The following EPB41L2 variants were observed in gnomAD, a reference collection of about 807,000 sequenced individuals.
The protein encoded by EPB41L2 is band 4.1-like protein 2.
Under a neutral mutation model 113.0 loss-of-function variants are expected in EPB41L2, and 43 were observed. The ratio of observed to expected loss-of-function variants is 0.38; its 90% confidence interval spans 0.30 to 0.49. The LOEUF (loss-of-function observed/expected upper bound fraction) is 0.49. Among genes scored for constraint, EPB41L2 ranks in the 20% least tolerant of loss-of-function variants. The probability of loss-of-function intolerance (pLI) is 0.95; values close to 1 mark genes in which losing one functional copy is unlikely to be tolerated. For synonymous variants in EPB41L2, 442 were observed against 436.7 expected, an observed-to-expected ratio of 1.01 and a Z score of -0.15; for missense variants, 1,147 against 1,223.4, an observed-to-expected ratio of 0.94 and a Z score of 0.93.
intron 17 of EPB41L2, among the ~76,000 whole-genome samples, chr6:130,864,223 CAGAAG>C (rs2128436676): frequency 6.6e-6 from 1 of 152,290 alleles, no homozygotes; most frequent in Admixed American, 6.5e-5. Flanking sequence ...TTTCCCATCA[CAGAAG>C]ACTTCTGTAT....
intron 1 of EPB41L2, among the ~76,000 whole-genome samples, chr6:131,046,015 T>C (rs982439202): frequency 2.0e-5 from 3 of 150,500 alleles, no homozygotes; most frequent in Non-Finnish European, 3.0e-5. Flanking sequence ...GGCAAGATCA[T>C]AGCTCACTGT....
chr6:130,865,505 C>G, intron 17 of EPB41L2, 31 bp downstream of exon 17: 1 of 1,593,192 alleles, frequency 6.3e-7, no homozygotes, highest in East Asian at 2.2e-5. Flanking sequence ...AATGTACCAT[C>G]CTCTCCATAT....
chr6:131,017,667 A>G (rs1788537836), intron 1 of EPB41L2, among the ~76,000 whole-genome samples: 2 of 152,204 alleles, frequency 1.3e-5, no homozygotes, highest in South Asian at 4.1e-4. Flanking sequence ...GTTTCCCTTC[A>G]CCTACAGGTA....
intron 19 of EPB41L2, among the ~76,000 whole-genome samples, chr6:130,851,619 T>G (rs1421416541): frequency 6.6e-6 from 1 of 152,158 alleles, no homozygotes; most frequent in African/African-American, 2.4e-5. Flanking sequence ...TCACTGGGTT[T>G]TCAACTTAAT....
chr6:130,890,698 C>A (rs1360341589), intron 10 of EPB41L2, among the ~76,000 whole-genome samples: 2 of 152,086 alleles, frequency 1.3e-5, no homozygotes, highest in Admixed American at 1.3e-4. Context: ...ATGTTCTTCT[C>A]CACCTAAGCA....
At chr6:130,981,161 T>C (rs1035655124) in intron 1 of EPB41L2, among the ~76,000 whole-genome samples, 2 of 152,168 alleles carry the variant, frequency 1.3e-5, no homozygotes, top group African/African-American at 2.4e-5. Context: ...TGAGAAGTCA[T>C]TGGTGTTTTA....
chr6:131,056,290 G>A (rs1797580382), intron 1 of EPB41L2, among the ~76,000 whole-genome samples: 1 of 152,172 alleles, frequency 6.6e-6, no homozygotes, highest in South Asian at 2.1e-4. Context: ...GAGAGAAGAA[G>A]TTAGAACATA....
chr6:130,884,438 C>A (rs989430497), intron 12 of EPB41L2, among the ~76,000 whole-genome samples: 1 of 152,162 alleles, frequency 6.6e-6, no homozygotes, highest in Non-Finnish European at 1.5e-5. Context: ...AAAAAAAAGT[C>A]GCTTTGTGCA....
rs139514804 is a variant in EPB41L2, at chr6:131,053,804, C to T, written c.-15+9351G>A. ...AGTGGTATACTGAGTTGATCATAAC[C>T]CTCATTCTTTCGACCTCCAACGTTT... is the stretch of plus-strand genomic sequence containing the variant. On this transcript the variant is annotated intron_variant, in intron 1 of 19. Coordinates refer to ENST00000337057, the MANE Select transcript of EPB41L2 (RefSeq NM_001431.4). Among the ~76,000 whole-genome samples the T allele has an allele frequency of 1.4e-4, 21 of 152,314 alleles. No homozygotes were observed. In the East Asian group the frequency reaches 2.9e-3, roughly 21 times the overall value.
Position 131,025,452 on chromosome 6 carries a change from C to T in EPB41L2, c.-15+37703G>A, listed in dbSNP as rs922291234. Among the ~76,000 whole-genome samples the T allele has an allele frequency of 1.9e-4, 29 of 152,190 alleles. 1 individual carries two copies. The highest frequency in any genetic ancestry group is 2.6e-4 in the Admixed American group (4 of 15,274). ...CAGACAGCGATTATTTCATATTACA[C>T]TGCCCAAATGTACATTTCTGGCCTT... On this transcript the variant is annotated intron_variant, in intron 1 of 19. Transcript: ENST00000337057.
intron 1 of EPB41L2, among the ~76,000 whole-genome samples, chr6:131,046,680 A>G (rs1562794847): frequency 6.6e-6 from 1 of 152,084 alleles, no homozygotes; most frequent in Non-Finnish European, 1.5e-5. Flanking sequence ...TTCCAGATAG[A>G]CTCAACATTC....
At chr6:130,906,317 C>T (rs957416321) in intron 5 of EPB41L2, among the ~76,000 whole-genome samples, 1 of 146,432 alleles carries the variant, frequency 6.8e-6, no homozygotes, top group Non-Finnish European at 1.5e-5. Context: ...TAATGCTAAG[C>T]TTTTTTAAAA....
intron 14 of EPB41L2, 96 bp from the exon 15 acceptor site, chr6:130,870,222 A>G: frequency 6.6e-7 from 1 of 1,522,872 alleles, no homozygotes; most frequent in Non-Finnish European, 8.9e-7. Context: ...CATGTCATGG[A>G]GAAAAACAAA....
chr6:130,950,035 G>T (rs1814326726), intron 3 of EPB41L2, among the ~76,000 whole-genome samples: 1 of 152,134 alleles, frequency 6.6e-6, no homozygotes, highest in Admixed American at 6.5e-5. Flanking sequence ...TACATGTGGG[G>T]GCAGTCAAGA....
intron 8 of EPB41L2, 87 bp from the exon 9 acceptor site, chr6:130,895,206 C>A: frequency 7.1e-7 from 1 of 1,411,174 alleles, no homozygotes; most frequent in South Asian, 1.5e-5. Context: ...AAATCATGAT[C>A]AGGAATGACA....
intron 1 of EPB41L2, among the ~76,000 whole-genome samples, chr6:131,033,055 T>C (rs1295304719): frequency 6.6e-6 from 1 of 152,050 alleles, no homozygotes; most frequent in Non-Finnish European, 1.5e-5. Flanking sequence ...TTTGTAGTTT[T>C]AGTAGAGACA....
chr6:131,031,216 A>T (rs1584658590), intron 1 of EPB41L2, among the ~76,000 whole-genome samples: 2 of 152,370 alleles, frequency 1.3e-5, no homozygotes, highest in African/African-American at 4.8e-5. Flanking sequence ...ATTCAACTTA[A>T]AAGCAAATTT....
At chr6:130,952,709 C>A (rs1018768975) in intron 3 of EPB41L2, among the ~76,000 whole-genome samples, 4 of 151,746 alleles carry the variant, frequency 2.6e-5, no homozygotes, top group Non-Finnish European at 5.9e-5. Context: ...ACACAGGACG[C>A]TGAGGCAGAA....
intron 1 of EPB41L2, among the ~76,000 whole-genome samples, chr6:131,051,698 T>G (rs535593202): frequency 4.6e-5 from 7 of 152,040 alleles, no homozygotes; most frequent in Admixed American, 6.5e-5. Flanking sequence ...AGGACTGAGG[T>G]GAGAGAAAGA....
Sources: gnomAD v4.1 joint callset for allele counts (sites outside exome capture counted in the v4.1 genomes callset) on GRCh38, gnomAD v4.1.1 for gene constraint, MANE v1.5 for transcripts, NCBI Gene and HGNC (gene_info 2026-07-23, HGNC 2026-07-21) for gene names.